Variants in RPL3 observed in about 807,000 individuals in gnomAD.
RPL3 encodes the protein large ribosomal subunit protein uL3.
In RPL3, 3 loss-of-function variants were observed where a neutral mutation model predicts 46.0. The ratio of observed to expected loss-of-function variants is 0.07; its 90% CI spans 0.03 to 0.17. RPL3 has a LOEUF of 0.17. RPL3 is among the 10% of genes least tolerant of loss of function. The pLI, the probability that RPL3 is intolerant of heterozygous loss-of-function variation, is 1.00. For synonymous variants in RPL3, 224 were observed against 190.8 expected, an observed-to-expected ratio of 1.17 and a Z score of -1.43; for missense variants, 387 against 532.7, an observed-to-expected ratio of 0.73 and a Z score of 2.69.
chr22:39,315,483 C>T lies in RPL3; in HGVS notation c.574G>A (p.Glu192Lys), dbSNP rs199861421. 1.1e-5 allele frequency: 18 copies of T among 1,614,000 alleles called. No homozygotes were observed. The highest frequency in any genetic ancestry group is 1.6e-4 in the Middle Eastern group (1 of 6,082). Reference protein sequence around the residue: ...EIQVNGGTVAEKLDWARERLE... With the variant: ...EIQVNGGTVAKKLDWARERLE... Reference sequence around the variant, plus strand: ...CTCTCGCGGGCCCAGTCCAGCTTCTCGGCCACAGTGCCTCCGTTCACCTGG... The same window carrying T: ...CTCTCGCGGGCCCAGTCCAGCTTCTTGGCCACAGTGCCTCCGTTCACCTGG... The change falls in exon 5 of 10, where the codon GAG (glutamate) becomes AAG (lysine). Residue 192 changes from glutamate to lysine, a missense_variant. By Grantham distance (56) the Glu-to-Lys change is moderately conservative. Coordinates refer to ENST00000216146, the MANE Select transcript of RPL3 (RefSeq NM_000967.4).
In RPL3 at chr22:39,317,562, G is replaced by A. The variant is rs932542776; in HGVS notation, c.264C>T (p.Gly88=). 1.4e-5 allele frequency: 23 copies of A among 1,613,770 alleles called. No homozygotes were observed. Among genetic ancestry groups the A allele is most frequent in the Non-Finnish European group, 1.9e-5 (23 of 1,179,858 alleles). The change falls in exon 3 of 10, where the codon GGC becomes GGT. Residue 88 remains glycine, a synonymous_variant. Transcript: ENST00000216146. ...IVETPPMVVV[G]IVGYVETPRG... ...GAGGGGTTTCCACGTAGCCCACAAT[G>A]CCCACAACCACCATGGGTGGTGTCT...
rs779295350 is a variant in RPL3, at chr22:39,316,760, G to A, written c.447C>T (p.Asp149=). Residue 149 remains aspartate (D), a synonymous_variant, in exon 4 of 10, where the codon GAC becomes GAT. Transcript: ENST00000216146. The part of the protein sequence containing the change: ...DEDGKKQLEK[D]FSSMKKYCQV... ...GGCAGTACTTCTTCATGCTGCTGAA[G>A]TCCTTCTCCAGCTGCTTCTTGCCAT... is the stretch of plus-strand genomic sequence containing the variant. 11 of 1,613,582 alleles carry A rather than the reference G, an allele frequency of 6.8e-6. No individual in the cohort carries two copies. The highest frequency in any genetic ancestry group is 6.7e-5 in the Admixed American group (4 of 60,016).
Position 39,313,782 on chromosome 22 carries a change from A to G in RPL3, c.952-53T>C, listed in dbSNP as rs781117328. On this transcript the variant is annotated intron_variant, in intron 7 of 9. Coordinates refer to ENST00000216146, the MANE Select transcript of RPL3 (RefSeq NM_000967.4). ...GGCCCAGGAGGGGATTGTCGTGCAG[A>G]TGACCCCTCCAGGTTCAGGCCCTCC... The G allele has an allele frequency of 7.9e-6, 12 of 1,526,838 alleles. No homozygotes were observed. In the East Asian group the frequency reaches 2.5e-4, roughly 31 times the overall value. The allele number at this position is 1,526,838 out of a possible 1,614,324, so 94.6% of individuals were successfully genotyped here. A position where few individuals can be genotyped will look rare whatever the true frequency, so the allele number is the denominator to read the frequency against.
intron 5 of RPL3, 107 bp downstream of exon 5, chr22:39,315,262 C>G: frequency 1.4e-6 from 2 of 1,421,396 alleles, no homozygotes; most frequent in South Asian, 2.3e-5. Flanking sequence ...CTGTCCGATT[C>G]GGGCGCTGTA....
intron 6 of RPL3, chr22:39,314,442 T>G (rs1922552392): frequency 3.2e-6 from 2 of 625,700 alleles, no homozygotes; most frequent in South Asian, 3.9e-5. Context: ...CCCCTGGTGG[T>G]GGCATCAGGG....
rs776589776 is a variant in RPL3 at position 39,317,779 on chromosome 22, A to G, written c.197-150T>C. ...ACTCACAGGGCTGTCCTTACTGCCTATCTCTCATTCAAAGCACATTTATGT... is the reference window on the plus strand; with the variant it reads ...ACTCACAGGGCTGTCCTTACTGCCTGTCTCTCATTCAAAGCACATTTATGT... On this transcript the variant is annotated intron_variant, in intron 2 of 9. Coordinates refer to ENST00000216146, the MANE Select transcript of RPL3 (RefSeq NM_000967.4). The G allele has an allele frequency of 2.1e-5, 16 of 771,378 alleles. No homozygotes were observed. In the East Asian group the frequency reaches 3.4e-4, roughly 16 times the overall value. The allele number at this position is 771,378 out of a possible 1,614,324, so 47.8% of individuals were successfully genotyped here. A position where few individuals can be genotyped will look rare whatever the true frequency, so the allele number is the denominator to read the frequency against.
In RPL3 at chr22:39,317,477, G is replaced by C. The variant is rs11547984; in HGVS notation, c.349C>G (p.Arg117Gly). The change falls in exon 3 of 10, where the codon CGT (arginine) becomes GGT (glycine). Residue 117 changes from arginine (R) to glycine (G), a missense_variant. By Grantham distance (125) the Arg-to-Gly change is moderately radical. Around this residue, in one of 5 missense-constraint regions of RPL3, gnomAD observed 196 missense variants for 217.5 expected, o/e 0.90. Coordinates refer to ENST00000216146, the MANE Select transcript of RPL3 (RefSeq NM_000967.4). ...CTCCCTTACCAATTCTTATAGAAACGCCTCTTGCATTCATCACTGATGTGC... is the reference window on the plus strand; with the variant it reads ...CTCCCTTACCAATTCTTATAGAAACCCCTCTTGCATTCATCACTGATGTGC... ...AEHISDECKR[R>G]FYKNWHKSKK... 21 of 1,613,614 alleles carry C rather than the reference G, an allele frequency of 1.3e-5. No individual in the cohort carries two copies. Among genetic ancestry groups the C allele is most frequent in the Non-Finnish European group, 1.8e-5 (21 of 1,179,658 alleles).
chr22:39,315,929 G>T (rs548093694), intron 4 of RPL3, among the ~76,000 whole-genome samples: 100 of 152,306 alleles, frequency 6.6e-4, no homozygotes, highest in African/African-American at 2.4e-3. Flanking sequence ...GCTTTTGAGA[G>T]AGCACAAGCT....
chr22:39,314,234 C>T (rs1194834710), intron 6 of RPL3, 26 bp from the exon 7 acceptor site: 2 of 1,601,914 alleles, frequency 1.2e-6, no homozygotes, highest in Non-Finnish European at 1.7e-6. Flanking sequence ...GGGTGTAAGG[C>T]TGGGGCATTA....
chr22:39,318,053 C>T, intron 2 of RPL3: 1 of 355,442 alleles, frequency 2.8e-6, no homozygotes, highest in South Asian at 3.1e-5. Context: ...ATTATTCAAG[C>T]TTTCAGGTGA....
chr22:39,317,367 G>A, intron 3 of RPL3, 94 bp downstream of exon 3: 2 of 1,392,330 alleles, frequency 1.4e-6, no homozygotes, highest in South Asian at 2.7e-5. Context: ...GCAGCTCCCT[G>A]CCTGCTACAG....
intron 9 of RPL3, 36 bp downstream of exon 9, chr22:39,313,155 C>G: frequency 6.2e-7 from 1 of 1,603,784 alleles, no homozygotes; most frequent in South Asian, 1.1e-5. Flanking sequence ...GCCCAAGCCA[C>G]CACACCCAGC....
chr22:39,313,106 G>A, intron 9 of RPL3, 85 bp downstream of exon 9: 2 of 1,600,216 alleles, frequency 1.2e-6, no homozygotes, highest in Non-Finnish European at 8.5e-7. Context: ...AAGGCATCAA[G>A]ACCACCCCTA....
intron 4 of RPL3, among the ~76,000 whole-genome samples, chr22:39,316,486 C>G (rs1337965148): frequency 1.3e-5 from 2 of 152,222 alleles, no homozygotes; most frequent in Admixed American, 1.3e-4. Flanking sequence ...CAGCCAGTAC[C>G]TCACAACCGA....
intron 7 of RPL3, 189 bp from the exon 8 acceptor site, chr22:39,313,918 T>C: frequency 2.4e-6 from 2 of 835,122 alleles, no homozygotes; most frequent in Non-Finnish European, 4.2e-6. Flanking sequence ...CAGCTGAGCC[T>C]GAGACCCCAC....
chr22:39,319,057 GA>G (rs1391523735), intron 1 of RPL3: 1 of 537,710 alleles, frequency 1.9e-6, no homozygotes. Flanking sequence ...AGCCAAATCA[GA>G]ACGTGACAAT....
intron 4 of RPL3, among the ~76,000 whole-genome samples, chr22:39,316,192 T>C (rs886668735): frequency 4.0e-5 from 6 of 150,838 alleles, no homozygotes; most frequent in African/African-American, 1.5e-4. Flanking sequence ...TGAGCTGAGA[T>C]AGGGCTATTG....
rs1393982572 is a variant in RPL3, at chr22:39,317,175, G to A, written c.365+286C>T. ...CAGAGGCCCTTGCCACCCCTATAGG[G>A]GTTTAATTATTCTGCTACCTCTCCT... On this transcript the variant is annotated intron_variant, in intron 3 of 9. Coordinates refer to ENST00000216146, the MANE Select transcript of RPL3 (RefSeq NM_000967.4). The A allele has an allele frequency of 5.1e-5, 29 of 570,238 alleles. No homozygotes were observed. In the South Asian group the frequency reaches 5.8e-4, roughly 11 times the overall value. The allele number at this position is 570,238 out of a possible 1,614,324, so 35.3% of individuals were successfully genotyped here. A position where few individuals can be genotyped will look rare whatever the true frequency, so the allele number is the denominator to read the frequency against.
chr22:39,314,561 A>G (rs1922559671), intron 6 of RPL3, 125 bp downstream of exon 6: 1 of 1,165,482 alleles, frequency 8.6e-7, no homozygotes, highest in Non-Finnish European at 1.2e-6. Context: ...CATGAGAAGC[A>G]AGCCACTGAT....
Sources: allele counts gnomAD v4.1 joint callset (sites outside exome capture counted in the v4.1 genomes callset), GRCh38; gene constraint gnomAD v4.1.1; regional missense constraint gnomAD v4.1.1; transcripts MANE v1.5; gene names NCBI Gene and HGNC (gene_info 2026-07-23, HGNC 2026-07-21).